FOXP1: variants seen among roughly 807,000 people sequenced by gnomAD.
FOXP1 encodes forkhead box P1, also known as forkhead box protein P1.
A neutral mutation model predicts 98.2 loss-of-function variants in FOXP1; 15 were observed. The ratio of observed to expected loss-of-function variants is 0.15; its 90% confidence interval spans 0.10 to 0.24. The LOEUF is 0.24. Ranked by LOEUF, FOXP1 falls within the 10% of genes least tolerant of loss-of-function variation. The pLI, the probability that FOXP1 is intolerant of heterozygous loss-of-function variation, is 1.00. For missense variants in FOXP1, 633 were observed against 848.5 expected (o/e 0.75, Z 3.15); for synonymous variants, 371 against 314.5 (o/e 1.18, Z -1.90).
intron 6 of FOXP1, among the ~76,000 whole-genome samples, chr3:71,155,075 G>A (rs990146732): frequency 6.6e-6 from 1 of 152,202 alleles, no homozygotes; most frequent in Non-Finnish European, 1.5e-5. Flanking sequence ...TTAAGATTCA[G>A]AGAATTTAAG....
At chr3:70,993,978 G>C (rs538189379) in intron 13 of FOXP1, among the ~76,000 whole-genome samples, 1 of 149,926 alleles carries the variant, frequency 6.7e-6, no homozygotes, top group African/African-American at 2.5e-5. Flanking sequence ...CTGGGCAACA[G>C]AGCAAAACTC....
intron 6 of FOXP1, among the ~76,000 whole-genome samples, chr3:71,150,366 T>C (rs1369454192): frequency 6.6e-6 from 1 of 152,220 alleles, no homozygotes; most frequent in Non-Finnish European, 1.5e-5. Context: ...GATATGCATT[T>C]AGAAAGGCAG....
At chr3:71,358,070 T>A (rs1041166751) in intron 4 of FOXP1, among the ~76,000 whole-genome samples, 6 of 152,176 alleles carry the variant, frequency 3.9e-5, no homozygotes, top group African/African-American at 1.4e-4. Context: ...GGGAAGCATA[T>A]TTGCTGAGCC....
intron 2 of FOXP1, among the ~76,000 whole-genome samples, chr3:71,563,242 T>C (rs920360951): frequency 2.0e-5 from 3 of 152,138 alleles, no homozygotes; most frequent in African/African-American, 7.2e-5. Context: ...CAGTAGGTTG[T>C]TTCAGATGCT....
At chr3:70,982,108 G>C (rs1265853902) in intron 14 of FOXP1, among the ~76,000 whole-genome samples, 1 of 152,194 alleles carries the variant, frequency 6.6e-6, no homozygotes, top group Non-Finnish European at 1.5e-5. Context: ...ACTCAAAGCA[G>C]GCTCTGTGTT....
Position 71,271,338 on chromosome 3 carries a change from A to G in FOXP1, c.-12+28482T>C, listed in dbSNP as rs750407877. Among the ~76,000 whole-genome samples, 176 of 152,362 alleles carry G rather than the reference A, an allele frequency of 1.2e-3. 1 individual carries two copies. The highest frequency in any genetic ancestry group is 2.2e-3 in the Non-Finnish European group (150 of 68,038). ...ACAAAAAATTAACAAAGACTTCTTA[A>G]AGAATTAGTTTTGTTGATAAAAAGT... On this transcript the variant is annotated intron_variant, in intron 5 of 20. Transcript: ENST00000649528.
chr3:71,427,519 T>C (rs1425263892), intron 3 of FOXP1, among the ~76,000 whole-genome samples: 1 of 151,968 alleles, frequency 6.6e-6, no homozygotes, highest in Non-Finnish European at 1.5e-5. Context: ...GGCTCTCTTG[T>C]GAAAAAAAGG....
intron 3 of FOXP1, among the ~76,000 whole-genome samples, chr3:71,482,940 T>TC (rs952821740): frequency 2.0e-5 from 3 of 151,150 alleles, no homozygotes; most frequent in Non-Finnish European, 2.9e-5. Context: ...ATTCAAACTA[T>TC]CCCCCCCACC....
intron 3 of FOXP1, among the ~76,000 whole-genome samples, chr3:71,489,259 G>T (rs1034623450): frequency 6.6e-6 from 1 of 152,190 alleles, no homozygotes; most frequent in African/African-American, 2.4e-5. Flanking sequence ...TAAGTCAAAA[G>T]GTAGCAATTT....
At chr3:71,174,930 T>G (rs956255158) in intron 6 of FOXP1, among the ~76,000 whole-genome samples, 12 of 150,824 alleles carry the variant, frequency 8.0e-5, no homozygotes, top group African/African-American at 2.9e-4. Flanking sequence ...TTTTTTTTTT[T>G]GAGATGGAGT....
At chr3:71,036,221 A>T (rs1269302548) in intron 11 of FOXP1, among the ~76,000 whole-genome samples, 1 of 152,096 alleles carries the variant, frequency 6.6e-6, no homozygotes, top group Non-Finnish European at 1.5e-5. Context: ...AGTGGAGAAA[A>T]TGCAAGCGAC....
intron 6 of FOXP1, among the ~76,000 whole-genome samples, chr3:71,169,616 C>A (rs1444829448): frequency 6.6e-6 from 1 of 151,626 alleles, no homozygotes; most frequent in African/African-American, 2.4e-5. Flanking sequence ...CCCACCGCCC[C>A]CCGCAAATGT....
At chr3:71,452,798 G>A (rs1453302713) in intron 3 of FOXP1, among the ~76,000 whole-genome samples, 1 of 152,062 alleles carries the variant, frequency 6.6e-6, no homozygotes, top group Non-Finnish European at 1.5e-5. Flanking sequence ...TCCACACACT[G>A]GCCTCCCTCC....
At chr3:71,162,132 G>A (rs916011626) in intron 6 of FOXP1, among the ~76,000 whole-genome samples, 2 of 152,226 alleles carry the variant, frequency 1.3e-5, no homozygotes, top group East Asian at 1.9e-4. Flanking sequence ...TGTACCTTAA[G>A]TGCTTTTTAA....
At chr3:71,111,430 T>C (rs62257250) in intron 7 of FOXP1, among the ~76,000 whole-genome samples, 4,616 of 152,284 alleles carry the variant, frequency 0.03, 92 homozygotes, top group Non-Finnish European at 0.047. Flanking sequence ...GGAGTTTCAC[T>C]CTTGTCGCCC....
chr3:71,281,057 AAAAAG>A (rs2071497228), intron 5 of FOXP1, among the ~76,000 whole-genome samples: 1 of 149,078 alleles, frequency 6.7e-6, no homozygotes, highest in African/African-American at 2.5e-5. Context: ...AAAAAAAAAA[AAAAAG>A]AAGAAGAAGA....
chr3:71,027,727 T>G (rs181802135), intron 11 of FOXP1, among the ~76,000 whole-genome samples: 23 of 152,348 alleles, frequency 1.5e-4, no homozygotes, highest in Middle Eastern at 3.4e-3. Context: ...ATATTAGAAC[T>G]TGAAAATGTA....
At chr3:71,142,687 CT>C (rs1353182216) in intron 6 of FOXP1, among the ~76,000 whole-genome samples, 1 of 152,196 alleles carries the variant, frequency 6.6e-6, no homozygotes, top group Admixed American at 6.5e-5. Flanking sequence ...GGAGCAGATT[CT>C]TTCCCGGAGC....
chr3:71,036,284 G>GT (rs1480056280), intron 11 of FOXP1, among the ~76,000 whole-genome samples: 1 of 152,182 alleles, frequency 6.6e-6, no homozygotes, highest in Non-Finnish European at 1.5e-5. Context: ...AAGGACTATC[G>GT]TGACTGAAGA....
Sources: allele counts gnomAD v4.1 joint callset (sites outside exome capture counted in the v4.1 genomes callset), GRCh38; gene constraint gnomAD v4.1.1; transcripts MANE v1.5; gene names NCBI Gene and HGNC (gene_info 2026-07-23, HGNC 2026-07-21).